Variants in PDE4DIP observed in about 807,000 individuals in gnomAD.
PDE4DIP encodes myomegalin.
In PDE4DIP, 59 loss-of-function variants were observed where a neutral mutation model predicts 221.4. The ratio of observed to expected loss-of-function variants is 0.27; its 90% CI spans 0.22 to 0.33. The LOEUF is 0.33. PDE4DIP is among the 10% of genes least tolerant of loss of function. The pLI is 1.00. For synonymous variants in PDE4DIP, 404 were observed against 815.9 expected (o/e 0.50, Z 8.60); for missense variants, 1,036 against 2,154.2 (o/e 0.48, Z 10.28).
chr1:148,980,256 G>T (rs1289962730), intron 20 of PDE4DIP, among the ~76,000 whole-genome samples: 2 of 152,194 alleles, frequency 1.3e-5, no homozygotes, highest in African/African-American at 4.8e-5. Context: ...GCTGGGTGAG[G>T]TAGCGCGCGC....
intron 31 of PDE4DIP, 109 bp from the exon 35 acceptor site, chr1:149,012,482 G>T: frequency 1.7e-6 from 1 of 602,298 alleles, no homozygotes; most frequent in East Asian, 2.8e-5. Flanking sequence ...CACTCCGCAG[G>T]GTGATGTCTG....
rs587763903 is a variant in PDE4DIP, at chr1:149,017,743, C to T, written c.5519-5C>T. 61 of 1,567,550 alleles carry T rather than the reference C, an allele frequency of 3.9e-5. No homozygotes were observed. The highest frequency in any genetic ancestry group is 3.2e-4 in the Admixed American group (19 of 59,502). ...TCTCTTCATGTCCTGGTGGTTTGGCCGCAGGGGCTGACCTGCTGGAAGAGC... is the reference window on the plus strand; with the variant it reads ...TCTCTTCATGTCCTGGTGGTTTGGCTGCAGGGGCTGACCTGCTGGAAGAGC... On this transcript the variant is annotated splice_region_variant and splice_polypyrimidine_tract_variant and intron_variant, in intron 33 of 43. Coordinates refer to ENST00000369354, the Ensembl canonical transcript of PDE4DIP.
intron 5 of PDE4DIP, among the ~76,000 whole-genome samples, chr1:148,951,288 CTT>C (rs1401136163): frequency 6.8e-6 from 1 of 147,984 alleles, no homozygotes; most frequent in African/African-American, 2.5e-5. Flanking sequence ...GGTTGTTCCT[CTT>C]GTTACGTGTC....
intron 1 of PDE4DIP, among the ~76,000 whole-genome samples, chr1:148,919,310 T>G (rs1267427572): frequency 6.6e-6 from 1 of 151,630 alleles, no homozygotes; most frequent in East Asian, 1.9e-4. Flanking sequence ...TCAAGTTAAT[T>G]GTATAAAAGC....
Position 149,012,583 on chromosome 1 carries a change from T to C in PDE4DIP, c.5081-8T>C, listed in dbSNP as rs1698606. ...GTGTCTCTTTTCTCCTTAACTTTCT[T>C]TTCCTAGGCTTTCATTTTCACTCCA... On this transcript the variant is annotated splice_region_variant and splice_polypyrimidine_tract_variant and intron_variant, in intron 31 of 43. Transcript: ENST00000369354. 3.8e-6 allele frequency: 6 copies of C among 1,579,684 alleles called. 1 individual carries two copies. The East Asian group carries it at 1.3e-4, about 35-fold the overall frequency.
intron 1 of PDE4DIP, among the ~76,000 whole-genome samples, chr1:148,920,260 GTAGCTGAA>G (rs1553461346): frequency 1.5e-5 from 2 of 130,462 alleles, no homozygotes; most frequent in Non-Finnish European, 3.2e-5. Flanking sequence ...AGCCTCCTGA[GTAGCTGAA>G]TAGCTGAGTA....
Position 148,978,292 on chromosome 1 carries a change from AC to A in PDE4DIP, c.2452del (p.Leu818TrpfsTer13), listed in dbSNP as rs782059564. On this transcript the variant is annotated frameshift_variant, in exon 19 of 44. Transcript: ENST00000369354. LOFTEE classifies it high-confidence loss of function. ...TTGACTTCTAGGACCTGCAAATGCA[AC>A]TGGTTGATCCTGAAGACATACCAGC... 8.1e-6 allele frequency: 13 copies of A among 1,602,316 alleles called. No homozygotes were observed. The Admixed American group carries it at 1.0e-4, about 13-fold the overall frequency.
intron 17 of PDE4DIP, 90 bp from the exon 21 acceptor site, chr1:148,977,847 C>A: frequency 1.3e-6 from 2 of 1,543,264 alleles, no homozygotes; most frequent in Non-Finnish European, 8.7e-7. Flanking sequence ...TTTTCTTTTC[C>A]ATTACTGGCT....
intron 5 of PDE4DIP, among the ~76,000 whole-genome samples, chr1:148,951,686 ATCT>A (rs2053307472): frequency 6.6e-6 from 1 of 152,282 alleles, no homozygotes; most frequent in Admixed American, 6.5e-5. Flanking sequence ...CTCTTCTACT[ATCT>A]TCAAGATCTT....
At chr1:148,954,008 G>A (rs1164862620) in intron 5 of PDE4DIP, 2 of 716,526 alleles carry the variant, frequency 2.8e-6, no homozygotes, top group African/African-American at 1.8e-5. Context: ...CTGGACTTGA[G>A]AAAATTAGTC....
exon 23 of PDE4DIP, chr1:148,998,173 G>C (rs782060527): frequency 2.4e-5 from 33 of 1,365,812 alleles, no homozygotes; most frequent in Non-Finnish European, 3.1e-5. Context: ...GAAAAGTCTG[G>C]CAACTGTGGA....
exon 11 of PDE4DIP, chr1:148,966,620 T>G: frequency 6.3e-7 from 1 of 1,597,428 alleles, no homozygotes; most frequent in Non-Finnish European, 8.6e-7. Flanking sequence ...TTGAGAAACT[T>G]CGCCAGCGAA....
At position 149,029,982 on chromosome 1, in the gene PDE4DIP, T is replaced by G. The variant is rs2076255512; in HGVS notation, c.6952+57T>G. The G allele has an allele frequency of 5.6e-5, 37 of 662,812 alleles. No homozygotes were observed. In the South Asian group the frequency reaches 6.6e-4, roughly 12 times the overall value. The allele number at this position is 662,812 out of a possible 1,614,324, so 41.1% of individuals were successfully genotyped here. A position where few individuals can be genotyped will look rare whatever the true frequency, so the allele number is the denominator to read the frequency against. On this transcript the variant is annotated intron_variant, in intron 42 of 43. Transcript: ENST00000369354. ...ACAGGCAGTCTTCCCGATGCCCCACTTGTGCTGCAGATGAGCAGTGACCAG... is the reference window on the plus strand; with the variant it reads ...ACAGGCAGTCTTCCCGATGCCCCACGTGTGCTGCAGATGAGCAGTGACCAG...
intron 5 of PDE4DIP, chr1:148,953,993 A>G (rs1341472961): frequency 5.5e-5 from 41 of 751,786 alleles, no homozygotes; most frequent in Non-Finnish European, 8.6e-5. Context: ...GAGGTTAGAA[A>G]TATTCTGGAC....
intron 3 of PDE4DIP, among the ~76,000 whole-genome samples, chr1:148,875,944 T>C (rs1691110418): frequency 2.0e-5 from 3 of 152,408 alleles, no homozygotes; most frequent in Admixed American, 6.5e-5. Flanking sequence ...AAATAAATCT[T>C]AAATACTGGG....
chr1:148,859,665 T>A (rs1265635588), intron 1 of PDE4DIP, among the ~76,000 whole-genome samples: 1 of 147,356 alleles, frequency 6.8e-6, no homozygotes, highest in Admixed American at 6.7e-5. Context: ...TAGCTGAGCA[T>A]GAGTCATTCA....
intron 22 of PDE4DIP, among the ~76,000 whole-genome samples, chr1:148,996,242 A>G (rs2064196681): frequency 6.6e-6 from 1 of 152,254 alleles, no homozygotes; most frequent in African/African-American, 2.4e-5. Context: ...CTTAAGGCCT[A>G]GAAAAGAATA....
intron 1 of PDE4DIP, among the ~76,000 whole-genome samples, chr1:148,928,104 G>GAT (rs1357556310): frequency 1.3e-5 from 1 of 79,120 alleles, no homozygotes; most frequent in South Asian, 5.4e-4. Context: ...ACATGGACCC[G>GAT]ATCATGCCAA....
At chr1:148,966,963 A>T (rs781877081) in exon 12 of PDE4DIP, 1 of 1,609,922 alleles carries the variant, frequency 6.2e-7, no homozygotes, top group Non-Finnish European at 8.5e-7. Flanking sequence ...TCCTCCAATG[A>T]AGCTACTATG....
Sources: allele counts gnomAD v4.1 joint callset (sites outside exome capture counted in the v4.1 genomes callset), GRCh38; gene constraint gnomAD v4.1.1; transcripts MANE v1.5; gene names NCBI Gene and HGNC (gene_info 2026-07-23, HGNC 2026-07-21).